Variants in ERICH1 observed in about 807,000 individuals in gnomAD.
ERICH1 encodes the protein glutamate rich 1.
ERICH1 carries 56 observed loss-of-function variants against 39.6 expected under a neutral mutation model. The observed-to-expected ratio is 1.41, with a 90% CI of 1.14 to 1.77. The LOEUF (loss-of-function observed/expected upper bound fraction) is 1.77. Among genes scored for constraint, ERICH1 ranks in the 40% most tolerant of loss-of-function variants. ERICH1 has a pLI of 0.00. For missense variants in ERICH1, 826 were observed against 575.4 expected (o/e 1.44, Z -4.45); for synonymous variants, 313 against 223.6 (o/e 1.40, Z -3.57).
intron 3 of ERICH1, among the ~76,000 whole-genome samples, chr8:677,880 T>G (rs112636405): frequency 2.6e-5 from 4 of 151,950 alleles, no homozygotes; most frequent in Admixed American, 2.6e-4. Flanking sequence ...CCCCCCAGGC[T>G]CCTCCCGGCA....
intron 2 of ERICH1, among the ~76,000 whole-genome samples, chr8:697,186 G>C (rs547005432): frequency 5.3e-5 from 8 of 152,150 alleles, no homozygotes; most frequent in African/African-American, 1.2e-4. Context: ...GTGGCCTCTT[G>C]CTTTTCACCC....
chr8:697,475 AAAG>A lies in ERICH1; in HGVS notation c.170-4866_170-4864del, dbSNP rs1199432369. Among the ~76,000 whole-genome samples the A allele has an allele frequency of 2.0e-5, 3 of 152,096 alleles. No homozygotes were observed. In the East Asian group the frequency reaches 5.8e-4, roughly 29 times the overall value. On this transcript the variant is annotated intron_variant, in intron 2 of 5. Transcript: ENST00000262109. ...TCAGGGGTGCTGCCAGGGTGCCCAG[AAAG>A]AAGCTTGGCTCAGACTCCCAGTGAC...
intron 3 of ERICH1, among the ~76,000 whole-genome samples, chr8:630,226 C>G (rs1669660): frequency 3.5e-4 from 44 of 125,048 alleles, no homozygotes; most frequent in East Asian, 7.4e-4. Flanking sequence ...CCTCCTGTGA[C>G]CACCCACACA....
At chr8:683,554 GACA>G (rs1255393916) in intron 3 of ERICH1, among the ~76,000 whole-genome samples, 3 of 152,306 alleles carry the variant, frequency 2.0e-5, no homozygotes, top group East Asian at 3.9e-4. Context: ...AATTTCCAAA[GACA>G]ACAAGGGAGG....
intron 3 of ERICH1, among the ~76,000 whole-genome samples, chr8:629,435 CACAG>C (rs1336637723): frequency 1.3e-5 from 2 of 150,472 alleles, no homozygotes; most frequent in Non-Finnish European, 1.5e-5. Flanking sequence ...TGAGCACCCA[CACAG>C]ACAGAGCTGA....
intron 3 of ERICH1, among the ~76,000 whole-genome samples, chr8:690,583 A>G (rs1270533969): frequency 1.3e-5 from 2 of 152,246 alleles, no homozygotes; most frequent in Non-Finnish European, 2.9e-5. Flanking sequence ...CCGGGCAGCC[A>G]GGAGGGGCCA....
chr8:715,459 A>G (rs1196837086), intron 2 of ERICH1, among the ~76,000 whole-genome samples: 3 of 152,196 alleles, frequency 2.0e-5, no homozygotes, highest in Non-Finnish European at 4.4e-5. Flanking sequence ...CCACGGGACA[A>G]GAACCTCAGA....
chr8:637,920 AG>A (rs1267886703), intron 3 of ERICH1, among the ~76,000 whole-genome samples: 1 of 152,252 alleles, frequency 6.6e-6, no homozygotes, highest in East Asian at 1.9e-4. Flanking sequence ...AACAAAATGC[AG>A]GGGCCAGGCT....
chr8:650,479 A>C (rs1799805131), intron 3 of ERICH1, among the ~76,000 whole-genome samples: 1 of 152,134 alleles, frequency 6.6e-6, no homozygotes, highest in Non-Finnish European at 1.5e-5. Flanking sequence ...GGGCACTGTC[A>C]CATCCTAACG....
chr8:679,623 C>G (rs1306668978), intron 3 of ERICH1, among the ~76,000 whole-genome samples: 2 of 152,216 alleles, frequency 1.3e-5, no homozygotes, highest in Admixed American at 6.5e-5. Context: ...ATGATAAAAT[C>G]TCAAATCAAA....
In ERICH1 at chr8:650,040, G is replaced by A. The variant is rs1164576687; in HGVS notation, c.976+18558C>T. Reference sequence around the variant, plus strand: ...CGAGGGCGGCCTCCCTGCGCTGAGCGCGACCTGCGTGTCCTGCTCTCGGCT... The same window carrying A: ...CGAGGGCGGCCTCCCTGCGCTGAGCACGACCTGCGTGTCCTGCTCTCGGCT... On this transcript the variant is annotated intron_variant, in intron 3 of 3. Transcript: ENST00000522706. Among the ~76,000 whole-genome samples, 4 of 152,236 alleles carry A rather than the reference G, an allele frequency of 2.6e-5. No homozygotes were observed. In the East Asian group the frequency reaches 5.8e-4, roughly 22 times the overall value.
intron 3 of ERICH1, among the ~76,000 whole-genome samples, chr8:631,854 C>T (rs915307201): frequency 1.3e-5 from 2 of 152,080 alleles, no homozygotes; most frequent in African/African-American, 4.8e-5. Context: ...CGCCCCCCGA[C>T]CCCCGCCCCA....
At chr8:715,592 C>T (rs898264594) in intron 2 of ERICH1, among the ~76,000 whole-genome samples, 1 of 152,206 alleles carries the variant, frequency 6.6e-6, no homozygotes, top group African/African-American at 2.4e-5. Flanking sequence ...GGCCCAAGCC[C>T]CAGTTTCAGT....
At chr8:631,093 T>G (rs546201137) in intron 3 of ERICH1, among the ~76,000 whole-genome samples, 75 of 146,450 alleles carry the variant, frequency 5.1e-4, no homozygotes, top group Admixed American at 1.9e-3. Context: ...AGCAACCATG[T>G]GGACAGAGCT....
At position 645,772 on chromosome 8, in the gene ERICH1, A is replaced by G. The variant is rs1799455457; in HGVS notation, c.976+22826T>C. Among the ~76,000 whole-genome samples, 2 of 69,648 alleles carry G rather than the reference A, an allele frequency of 2.9e-5. 1 individual carries two copies. Among genetic ancestry groups the G allele is most frequent in the Non-Finnish European group, 9.1e-5 (2 of 22,040 alleles). The allele number at this position is 69,648 out of a possible 152,430, so 45.7% of individuals were successfully genotyped here. A position where few individuals can be genotyped will look rare whatever the true frequency, so the allele number is the denominator to read the frequency against. On this transcript the variant is annotated intron_variant, in intron 3 of 3. Coordinates refer to the ERICH1 transcript ENST00000522706. ...CCAAAGTGCTGGGATTACAGGCGTG[A>G]GCCACGGTGCCCAGCCCAGAAATCT...
At chr8:685,835 C>T (rs1211215420) in intron 3 of ERICH1, among the ~76,000 whole-genome samples, 1 of 151,946 alleles carries the variant, frequency 6.6e-6, no homozygotes, top group Non-Finnish European at 1.5e-5. Flanking sequence ...CAGCTTTGGG[C>T]AATTCATGTA....
chr8:634,347 G>C (rs181045339), intron 3 of ERICH1, among the ~76,000 whole-genome samples: 1 of 152,298 alleles, frequency 6.6e-6, no homozygotes, highest in Non-Finnish European at 1.5e-5. Flanking sequence ...AGCGAGCGTC[G>C]TGGAGCGCTT....
intron 4 of ERICH1, chr8:671,821 T>G (rs1227726278): frequency 6.0e-6 from 1 of 165,304 alleles, no homozygotes; most frequent in Admixed American, 6.5e-5. Flanking sequence ...GGCTGAGACC[T>G]CTGAACCTGC....
chr8:632,334 A>AAAT (rs149085915), intron 3 of ERICH1, among the ~76,000 whole-genome samples: 11 of 152,226 alleles, frequency 7.2e-5, no homozygotes, highest in South Asian at 4.2e-4. Context: ...AGTAAAAAAA[A>AAAT]AATAATAATG....
Sources: allele counts gnomAD v4.1 joint callset (sites outside exome capture counted in the v4.1 genomes callset), GRCh38; gene constraint gnomAD v4.1.1; transcripts MANE v1.5; gene names NCBI Gene and HGNC (gene_info 2026-07-23, HGNC 2026-07-21).